TNS3: variants seen among roughly 807,000 people sequenced by gnomAD.
TNS3 encodes the protein tensin-3.
In TNS3, 45 loss-of-function variants were observed where a neutral mutation model predicts 140.9. The ratio of observed to expected loss-of-function variants is 0.32; its 90% CI spans 0.25 to 0.41. The LOEUF (loss-of-function observed/expected upper bound fraction) is 0.41. Among genes scored for constraint, TNS3 ranks in the 10% least tolerant of loss-of-function variants. TNS3 has a pLI of 1.00. For synonymous variants in TNS3, 815 were observed against 788.4 expected (o/e 1.03, Z -0.56); for missense variants, 1,716 against 1,906.7 (o/e 0.90, Z 1.86).
intron 4 of TNS3, among the ~76,000 whole-genome samples, chr7:47,476,578 T>C (rs1312560953): frequency 6.6e-6 from 1 of 152,238 alleles, no homozygotes; most frequent in African/African-American, 2.4e-5. Flanking sequence ...CCAATGAGGC[T>C]ATGCTGCAAT....
chr7:47,381,129 T>G (rs1791732424), intron 16 of TNS3, among the ~76,000 whole-genome samples: 1 of 152,196 alleles, frequency 6.6e-6, no homozygotes, highest in Non-Finnish European at 1.5e-5. Context: ...GTTTCTGCCT[T>G]CACTCCTGAG....
intron 20 of TNS3, among the ~76,000 whole-genome samples, chr7:47,318,211 C>T (rs1787523981): frequency 6.6e-6 from 1 of 152,222 alleles, no homozygotes; most frequent in Admixed American, 6.5e-5. Flanking sequence ...ACTTACTTCA[C>T]TGAACACAAT....
chr7:47,316,550 T>C (rs1480248668), intron 20 of TNS3, among the ~76,000 whole-genome samples: 1 of 151,378 alleles, frequency 6.6e-6, no homozygotes, highest in Non-Finnish European at 1.5e-5. Flanking sequence ...GTTTGTTTGT[T>C]TTTGTTTTTT....
intron 30 of TNS3, chr7:47,279,577 C>G (rs1186504824): frequency 1.9e-5 from 3 of 156,064 alleles, no homozygotes; most frequent in African/African-American, 7.2e-5. Flanking sequence ...TGGCGGACGC[C>G]TGTAATCCCA....
At chr7:47,415,326 T>C (rs1794019613) in intron 10 of TNS3, 120 bp from the exon 11 acceptor site, 1 of 662,364 alleles carries the variant, frequency 1.5e-6, no homozygotes, top group Non-Finnish European at 2.6e-6. Context: ...ATCGGTCCAC[T>C]GCTCACAGCC....
At chr7:47,571,910 C>A (rs1056319353) in intron 1 of TNS3, among the ~76,000 whole-genome samples, 6 of 152,200 alleles carry the variant, frequency 3.9e-5, no homozygotes, top group Admixed American at 6.5e-5. Context: ...AAGAACTAAC[C>A]CAGTCTGTGA....
At chr7:47,493,408 T>C (rs1420376675) in intron 3 of TNS3, among the ~76,000 whole-genome samples, 3 of 152,204 alleles carry the variant, frequency 2.0e-5, no homozygotes, top group Admixed American at 6.5e-5. Flanking sequence ...AAGAAAATGG[T>C]AAATTCCACA....
At chr7:47,577,305 A>G (rs1363591454) in intron 1 of TNS3, among the ~76,000 whole-genome samples, 2 of 152,238 alleles carry the variant, frequency 1.3e-5, no homozygotes, top group Non-Finnish European at 2.9e-5. Flanking sequence ...AAGTGCTATT[A>G]TCTTTCCCCA....
chr7:47,516,927 G>A (rs1183209617), intron 2 of TNS3, among the ~76,000 whole-genome samples: 1 of 152,164 alleles, frequency 6.6e-6, no homozygotes, highest in Non-Finnish European at 1.5e-5. Flanking sequence ...GCCAGGCGTG[G>A]TGGTGGGCGC....
In TNS3 at chr7:47,295,657, C is replaced by T. The variant is rs116911442; in HGVS notation, c.3676+1425G>A. 1.1e-3 allele frequency among the ~76,000 whole-genome samples: 163 copies of T among 152,294 alleles called. 4 individuals carry two copies. In the East Asian group the frequency reaches 0.03, roughly 28 times the overall value. ...CAGGACAATCAGTAGCCACAGGCTTCGGGGCTGAGCTTTGACTGAGCCCCG... is the reference window on the plus strand; with the variant it reads ...CAGGACAATCAGTAGCCACAGGCTTTGGGGCTGAGCTTTGACTGAGCCCCG... On this transcript the variant is annotated intron_variant, in intron 24 of 30. Transcript: ENST00000311160.
chr7:47,329,074 T>C (rs1425963087), intron 20 of TNS3, among the ~76,000 whole-genome samples: 1 of 152,142 alleles, frequency 6.6e-6, no homozygotes, highest in African/African-American at 2.4e-5. Flanking sequence ...ACCATCTCCC[T>C]CAGTCAAGTC....
rs111931156 is a variant in TNS3, at chr7:47,364,433, C to A, written c.2281+3932G>T. Among the ~76,000 whole-genome samples, 1,301 of 152,190 alleles carry A rather than the reference C, an allele frequency of 8.5e-3. 15 individuals carry two copies. The highest frequency in any genetic ancestry group is 0.029 in the African/African-American group (1,221 of 41,500). ...AAGAAGCTGGAATTACAGGCATGCA[C>A]CACCATGCCTGACCAATTTTTGTAA... On this transcript the variant is annotated intron_variant, in intron 17 of 30. Coordinates refer to ENST00000311160, the MANE Select transcript of TNS3 (RefSeq NM_022748.12).
At chr7:47,296,223 T>G (rs1470992485) in intron 24 of TNS3, among the ~76,000 whole-genome samples, 1 of 151,876 alleles carries the variant, frequency 6.6e-6, no homozygotes, top group Non-Finnish European at 1.5e-5. Context: ...AATGGATCAA[T>G]TGGCTGTAGG....
intron 16 of TNS3, among the ~76,000 whole-genome samples, chr7:47,390,600 A>T (rs1402070737): frequency 2.0e-5 from 3 of 152,220 alleles, no homozygotes; most frequent in East Asian, 1.9e-4. Flanking sequence ...TGGCAATGCC[A>T]CGGCCCTCGT....
At chr7:47,494,784 G>A (rs1797940823) in intron 3 of TNS3, among the ~76,000 whole-genome samples, 1 of 152,130 alleles carries the variant, frequency 6.6e-6, no homozygotes, top group Non-Finnish European at 1.5e-5. Context: ...CTATTTCTGT[G>A]CTTGACAGAA....
At chr7:47,434,240 C>T (rs939831310) in intron 8 of TNS3, among the ~76,000 whole-genome samples, 6 of 150,224 alleles carry the variant, frequency 4.0e-5, no homozygotes, top group Non-Finnish European at 8.9e-5. Context: ...CAAAGGGAAG[C>T]TTCTTTCAAA....
At chr7:47,310,586 A>G (rs1349590124) in intron 20 of TNS3, among the ~76,000 whole-genome samples, 1 of 152,224 alleles carries the variant, frequency 6.6e-6, no homozygotes, top group African/African-American at 2.4e-5. Context: ...ATGACAAATG[A>G]AAACCAAGAC....
intron 1 of TNS3, among the ~76,000 whole-genome samples, chr7:47,550,570 G>A (rs1327312452): frequency 6.6e-6 from 1 of 152,140 alleles, no homozygotes; most frequent in East Asian, 1.9e-4. Context: ...CAATGGGCAA[G>A]GCACATGAGA....
chr7:47,378,662 A>AC (rs1791561270), intron 16 of TNS3, among the ~76,000 whole-genome samples: 1 of 151,986 alleles, frequency 6.6e-6, no homozygotes, highest in Non-Finnish European at 1.5e-5. Context: ...CTCAAACCAA[A>AC]CCCAGAAGGG....
Sources: allele counts gnomAD v4.1 joint callset (sites outside exome capture counted in the v4.1 genomes callset), GRCh38; gene constraint gnomAD v4.1.1; transcripts MANE v1.5; gene names NCBI Gene and HGNC (gene_info 2026-07-23, HGNC 2026-07-21).